The following CHD9NB variants were observed in gnomAD, a reference collection of about 807,000 sequenced individuals.
CHD9NB encodes CHD9 neighbor protein.
chr16:53,048,378 C>T, the CHD9NB span, among the ~76,000 whole-genome samples: 1 of 152,196 alleles, frequency 6.6e-6, no homozygotes, highest in Admixed American at 6.5e-5. Flanking sequence ...TGTGCCACTG[C>T]ACTCCAGCCT....
the CHD9NB span, among the ~76,000 whole-genome samples, chr16:53,044,734 C>G: frequency 3.9e-5 from 6 of 152,076 alleles, no homozygotes; most frequent in African/African-American, 1.5e-4. Context: ...CTACTCTGTG[C>G]CAAGAACAGT....
the CHD9NB span, among the ~76,000 whole-genome samples, chr16:53,044,744 T>C: frequency 2.0e-5 from 3 of 152,116 alleles, no homozygotes; most frequent in Non-Finnish European, 4.4e-5. Context: ...CCAAGAACAG[T>C]TCACATCCAT....
the CHD9NB span, among the ~76,000 whole-genome samples, chr16:53,042,134 T>C: frequency 5.3e-5 from 8 of 152,182 alleles, no homozygotes; most frequent in African/African-American, 1.9e-4. Context: ...AAGGGTCCTT[T>C]GCAGCACCTT....
the CHD9NB span, among the ~76,000 whole-genome samples, chr16:53,040,436 G>A: frequency 6.6e-6 from 1 of 152,148 alleles, no homozygotes; most frequent in Non-Finnish European, 1.5e-5. Context: ...GGCACCTTAG[G>A]CTCCTATTAC....
chr16:53,040,414 C>T, the CHD9NB span, among the ~76,000 whole-genome samples: 10 of 152,278 alleles, frequency 6.6e-5, no homozygotes, highest in East Asian at 1.2e-3. Flanking sequence ...ACCTCCCTGT[C>T]CCTGTGCCGT....
the CHD9NB span, among the ~76,000 whole-genome samples, chr16:53,049,816 T>C: frequency 1.3e-5 from 2 of 152,194 alleles, no homozygotes; most frequent in South Asian, 2.1e-4. Flanking sequence ...TGGGTTTGAA[T>C]ACCACCTCTA....
chr16:53,047,773 G>A, the CHD9NB span, among the ~76,000 whole-genome samples: 8 of 152,218 alleles, frequency 5.3e-5, no homozygotes, highest in South Asian at 1.7e-3. Context: ...CGAGGTGGGT[G>A]GATCACTTGA....
the CHD9NB span, among the ~76,000 whole-genome samples, chr16:53,052,150 G>T: frequency 6.6e-6 from 1 of 150,910 alleles, no homozygotes; most frequent in African/African-American, 2.4e-5. Flanking sequence ...AGGTTGGGGT[G>T]GGAGAAATGC....
the CHD9NB span, among the ~76,000 whole-genome samples, chr16:53,036,999 G>C: frequency 6.6e-6 from 1 of 152,062 alleles, no homozygotes; most frequent in South Asian, 2.1e-4. Flanking sequence ...GCAGTGGCAC[G>C]ATCTCAGCTC....
chr16:53,041,297 A>G, the CHD9NB span, among the ~76,000 whole-genome samples: 1 of 152,382 alleles, frequency 6.6e-6, no homozygotes, highest in Non-Finnish European at 1.5e-5. Context: ...GGCACTTTAG[A>G]AATTCTCGAA....
chr16:53,043,650 G>T, the CHD9NB span: 17 of 175,116 alleles, frequency 9.7e-5, no homozygotes, highest in East Asian at 1.5e-4. Context: ...CAGGCAGACG[G>T]GGATCCCTGG....
chr16:53,050,757 T>C, the CHD9NB span, among the ~76,000 whole-genome samples: 1 of 152,054 alleles, frequency 6.6e-6, no homozygotes, highest in Non-Finnish European at 1.5e-5. Context: ...CCCAGGCCCT[T>C]TCCCTTTGGT....
chr16:53,052,404 A>C, the CHD9NB span, among the ~76,000 whole-genome samples: 1 of 152,104 alleles, frequency 6.6e-6, no homozygotes, highest in Admixed American at 6.6e-5. Context: ...GAAAACTGTT[A>C]GTGTCTAACA....
the CHD9NB span, chr16:53,043,329 C>G: frequency 5.3e-5 from 8 of 152,150 alleles, no homozygotes; most frequent in Admixed American, 5.2e-4. Context: ...ATTAAGGAAT[C>G]AGGAACACAA....
chr16:53,045,561 A>C, the CHD9NB span, among the ~76,000 whole-genome samples: 1 of 152,160 alleles, frequency 6.6e-6, no homozygotes, highest in African/African-American at 2.4e-5. Flanking sequence ...AGCTCCTAGG[A>C]AGCTAGATGG....
At chr16:53,042,737 A>G in the CHD9NB span, 1 of 152,256 alleles carries the variant, frequency 6.6e-6, no homozygotes, top group Non-Finnish European at 1.5e-5. Context: ...CACTATGCAC[A>G]GGCTATAAAG....
chr16:53,043,881 G>T, the CHD9NB span: 4 of 397,612 alleles, frequency 1.0e-5, no homozygotes, highest in Admixed American at 1.3e-4. Context: ...TCCCAAAGCT[G>T]GAGGCTTTCT....
chr16:53,044,767 A>G, the CHD9NB span, among the ~76,000 whole-genome samples: 1 of 152,156 alleles, frequency 6.6e-6, no homozygotes, highest in Non-Finnish European at 1.5e-5. Context: ...TTTGTTTACA[A>G]CCCTAAGAAG....
the CHD9NB span, among the ~76,000 whole-genome samples, chr16:53,046,375 TG>T: frequency 2.6e-5 from 4 of 152,006 alleles, no homozygotes; most frequent in Non-Finnish European, 5.9e-5. Flanking sequence ...AAAATGAATG[TG>T]GTAAGAAAAC....
Sources: gnomAD v4.1 joint callset for allele counts (sites outside exome capture counted in the v4.1 genomes callset) on GRCh38, gnomAD v4.1.1 for gene constraint, MANE v1.5 for transcripts, NCBI Gene and HGNC (gene_info 2026-07-23, HGNC 2026-07-21) for gene names.